The following RTL1 variants were observed in gnomAD, a reference collection of about 807,000 sequenced individuals.
RTL1 encodes retrotransposon Gag like 1.
For synonymous variants in RTL1, 727 were observed against 748.4 expected, an observed-to-expected ratio of 0.97 and a Z score of 0.47; for missense variants, 1,681 against 1,767.5, an observed-to-expected ratio of 0.95 and a Z score of 0.88.
chr14:100,892,491 A>G (rs889277240), intron 3 of RTL1, among the ~76,000 whole-genome samples: 31 of 152,202 alleles, frequency 2.0e-4, no homozygotes, highest in African/African-American at 6.5e-4. Flanking sequence ...GATTCTTACG[A>G]CTGTTACTTC....
chr14:100,895,571 T>A (rs1258999752), intron 2 of RTL1, among the ~76,000 whole-genome samples: 1 of 151,600 alleles, frequency 6.6e-6, no homozygotes, highest in East Asian at 1.9e-4. Context: ...AAAGGGAAGG[T>A]GTGGGGAGCA....
At position 100,883,653 on chromosome 14, in the gene RTL1, A is replaced by G. The variant is rs1290611050; in HGVS notation, c.1136T>C (p.Leu379Pro). The G allele has an allele frequency of 7.1e-6, 11 of 1,550,656 alleles. No homozygotes were observed. The African/African-American group carries it at 1.2e-4, about 17-fold the overall frequency. The change falls in exon 4 of 4, where the codon CTG becomes CCG. Residue 379 changes from leucine (L) to proline (P), a missense_variant. Physicochemically the swap from Leu to Pro is moderately conservative, Grantham distance 98. Coordinates refer to ENST00000649591, the MANE Select transcript of RTL1 (RefSeq NM_001134888.3). The surrounding 1 kb of genome is among the most constrained non-coding windows in gnomAD (Gnocchi z 5.9). ...RLPPEARPRN[L>P]TWIDSPAPER... ...TGGAGCAGGTGAGTCGATCCAGGTC[A>G]GGTTCCGGGGGCGGGCCTCGGGGGG...
chr14:100,897,645 C>T (rs1380492994), intron 2 of RTL1: 1 of 162,950 alleles, frequency 6.1e-6, no homozygotes. Context: ...AAGATCAACA[C>T]TATTCCTTAT....
chr14:100,902,978 C>T lies in RTL1; in HGVS notation c.-149+313G>A, dbSNP rs530897241. Reference sequence around the variant, plus strand: ...CTCCTGGCAGAGTCCCCTCTGCTGGCTTAATCGCACAAATCAAGTCAGCCG... The same window carrying T: ...CTCCTGGCAGAGTCCCCTCTGCTGGTTTAATCGCACAAATCAAGTCAGCCG... On this transcript the variant is annotated intron_variant, in intron 2 of 3. Coordinates refer to ENST00000649591, the MANE Select transcript of RTL1 (RefSeq NM_001134888.3). Among the ~76,000 whole-genome samples the T allele has an allele frequency of 2.6e-5, 4 of 152,280 alleles. No homozygotes were observed. The South Asian group carries it at 8.3e-4, about 32-fold the overall frequency.
intron 3 of RTL1, among the ~76,000 whole-genome samples, chr14:100,890,733 A>T (rs1157367188): frequency 2.0e-5 from 3 of 151,888 alleles, no homozygotes; most frequent in Non-Finnish European, 4.4e-5. Flanking sequence ...TGGTGCTCAG[A>T]GCTCCTTGGG....
chr14:100,883,355 G>C lies in RTL1; in HGVS notation c.1434C>G (p.Pro478=), dbSNP rs1300209271. ...GNEPVWLYTE[P]LVCIHQNHQE... is the part of the protein sequence containing the mutation. Reference sequence around the variant, plus strand: ...GGTGGTTCTGGTGGATACACACCAGGGGCTCCGTGTAGAGCCAGACAGGCT... The same window carrying C: ...GGTGGTTCTGGTGGATACACACCAGCGGCTCCGTGTAGAGCCAGACAGGCT... The change falls in exon 4 of 4, where the codon CCC becomes CCG. Residue 478 remains proline (P), a synonymous_variant. Transcript: ENST00000649591. This position sits in a 1 kb window ranked among gnomAD's most constrained non-coding sequence, Gnocchi z 5.9. 6.4e-7 allele frequency: 1 copy of C among 1,551,262 alleles called. No individual in the cohort carries two copies. The highest frequency in any genetic ancestry group is 8.7e-7 in the Non-Finnish European group (1 of 1,146,872).
intron 3 of RTL1, among the ~76,000 whole-genome samples, chr14:100,891,432 C>T (rs1218011515): frequency 3.9e-5 from 6 of 152,256 alleles, no homozygotes; most frequent in South Asian, 2.1e-4. Context: ...GTCCCCAGGG[C>T]GTGTCTAAAT....
rs530774569 is a variant in RTL1 at position 100,897,236 on chromosome 14, C to T, written c.-148-3731G>A. Among the ~76,000 whole-genome samples the T allele has an allele frequency of 2.6e-5, 4 of 152,354 alleles. No individual in the cohort carries two copies. In the East Asian group the frequency reaches 5.8e-4, roughly 22 times the overall value. On this transcript the variant is annotated intron_variant, in intron 2 of 3. Transcript: ENST00000649591. The stretch of plus-strand genomic sequence containing the variant: ...TACCCACTCCCAATCCATCAGGAAA[C>T]ATGCCCTTTGCTTTGTATTTGTAAA...
chr14:100,895,657 G>A (rs932098726), intron 2 of RTL1, among the ~76,000 whole-genome samples: 3 of 152,132 alleles, frequency 2.0e-5, no homozygotes, highest in African/African-American at 7.2e-5. Flanking sequence ...TCTTTCATTG[G>A]TACTGGCTGG....
At chr14:100,896,848 G>A (rs1036921202) in intron 2 of RTL1, among the ~76,000 whole-genome samples, 1 of 152,164 alleles carries the variant, frequency 6.6e-6, no homozygotes, top group African/African-American at 2.4e-5. Context: ...CTGCGAACGC[G>A]AGCCGCCGGG....
rs1160389834 is a variant in RTL1 at position 100,903,153 on chromosome 14, T to C, written c.-149+138A>G. On this transcript the variant is annotated intron_variant, in intron 2 of 3. Transcript: ENST00000649591. Reference sequence around the variant, plus strand: ...GCATGAAGGCATAAAGGAACAGTTTTTCCCGGCGGCTTCCTTGAAGGGCCA... The same window carrying C: ...GCATGAAGGCATAAAGGAACAGTTTCTCCCGGCGGCTTCCTTGAAGGGCCA... 3.3e-5 allele frequency among the ~76,000 whole-genome samples: 5 copies of C among 152,294 alleles called. No individual in the cohort carries two copies. In the South Asian group the frequency reaches 6.2e-4, roughly 19 times the overall value.
intron 3 of RTL1, among the ~76,000 whole-genome samples, chr14:100,887,594 A>G (rs1393114230): frequency 2.6e-5 from 4 of 152,132 alleles, no homozygotes; most frequent in Admixed American, 2.6e-4. Flanking sequence ...TTTCTACTAA[A>G]AATACAAAAA....
At chr14:100,896,722 C>T (rs2038861389) in intron 2 of RTL1, among the ~76,000 whole-genome samples, 1 of 152,164 alleles carries the variant, frequency 6.6e-6, no homozygotes, top group African/African-American at 2.4e-5. Context: ...GCCGTTTAGC[C>T]ACAGTCCCTC....
chr14:100,882,262 A>G lies in RTL1; in HGVS notation c.2527T>C (p.Phe843Leu), dbSNP rs1241112939. The change falls in exon 4 of 4, where the codon TTC becomes CTC. Residue 843 changes from phenylalanine to leucine, a missense_variant. Transcript: ENST00000649591. The stretch of plus-strand genomic sequence containing the variant: ...TCTTGCTCCTCGACTCCCCAGTAGA[A>G]CTGGTAGGAGCTCAGCAGCTGCCGC... ...LVRQLLSSYQFYWGVEEQEAF... is the reference protein window; with the variant it reads ...LVRQLLSSYQLYWGVEEQEAF... 9 of 1,551,414 alleles carry G rather than the reference A, an allele frequency of 5.8e-6. No individual in the cohort carries two copies. The highest frequency in any genetic ancestry group is 7.8e-6 in the Non-Finnish European group (9 of 1,146,994).
chr14:100,887,980 G>C (rs957791898), intron 3 of RTL1, among the ~76,000 whole-genome samples: 2 of 152,152 alleles, frequency 1.3e-5, no homozygotes, highest in African/African-American at 4.8e-5. Flanking sequence ...CTCACGAGTG[G>C]TCTGATGCTT....
chr14:100,890,411 A>T (rs2038757003), intron 3 of RTL1, among the ~76,000 whole-genome samples: 1 of 137,070 alleles, frequency 7.3e-6, no homozygotes, highest in Non-Finnish European at 1.5e-5. Context: ...TTGGAAGAGG[A>T]GATGAGAGGA....
At chr14:100,894,288 C>T (rs1331784891) in intron 2 of RTL1, among the ~76,000 whole-genome samples, 2 of 131,208 alleles carry the variant, frequency 1.5e-5, no homozygotes, top group African/African-American at 3.0e-5. Context: ...CCAACCTGGG[C>T]GACAGAGTGA....
chr14:100,883,471 C>A lies in RTL1; in HGVS notation c.1318G>T (p.Glu440Ter). The A allele has an allele frequency of 1.3e-6, 2 of 1,551,314 alleles. No homozygotes were observed. Among genetic ancestry groups the A allele is most frequent in the Non-Finnish European group, 8.7e-7 (1 of 1,146,914 alleles). The change falls in exon 4 of 4, where the codon GAG (glutamate) becomes TAG (stop). Residue 440 changes from glutamate to a stop codon, truncating the protein, a stop_gained. Coordinates refer to ENST00000649591, the MANE Select transcript of RTL1 (RefSeq NM_001134888.3). LOFTEE classifies it low-confidence loss of function (END_TRUNC). This position sits in a 1 kb window ranked among gnomAD's most constrained non-coding sequence, Gnocchi z 5.9. ...DSGADGNFMD[E>*]KFAQEHYVEL... ...ACGTAGTGCTCTTGGGCGAACTTCT[C>A]ATCCATGAAGTTGCCGTCAGCTCCC...
At position 100,897,699 on chromosome 14, in the gene RTL1, T is replaced by C. The variant is rs145989961; in HGVS notation, c.-148-4194A>G. ...TGCGAGCTGTACACACCAGAGTTTA[T>C]TTAACCACCTTGCTGCTGGCATGAA... On this transcript the variant is annotated intron_variant, in intron 2 of 3. Coordinates refer to ENST00000649591, the MANE Select transcript of RTL1 (RefSeq NM_001134888.3). 859 of 234,190 alleles carry C rather than the reference T, an allele frequency of 3.7e-3. 4 individuals carry two copies. The highest frequency in any genetic ancestry group is 5.7e-3 in the Non-Finnish European group (677 of 119,318). The allele number at this position is 234,190 out of a possible 1,614,324, so 14.5% of individuals were successfully genotyped here. A position where few individuals can be genotyped will look rare whatever the true frequency, so the allele number is the denominator to read the frequency against.
Sources: gnomAD v4.1 joint callset for allele counts (sites outside exome capture counted in the v4.1 genomes callset) on GRCh38, gnomAD v4.1.1 for gene constraint, Gnocchi (gnomAD v3.1) non-coding constraint, MANE v1.5 for transcripts, NCBI Gene and HGNC (gene_info 2026-07-23, HGNC 2026-07-21) for gene names.